MPDZ: variants seen among roughly 807,000 people sequenced by gnomAD.
MPDZ encodes multiple PDZ domain crumbs cell polarity complex component.
MPDZ carries 234 observed loss-of-function variants against 239.1 expected under a neutral mutation model. That is an observed-to-expected ratio of 0.98 (90% CI 0.88 to 1.09). The LOEUF (loss-of-function observed/expected upper bound fraction) is 1.09, where lower values mean the gene tolerates loss of function less well. Ranked by LOEUF, MPDZ falls within the 50% of genes least tolerant of loss-of-function variation. The pLI is 0.00. For missense variants in MPDZ, 3,175 were observed against 2,510.0 expected (o/e 1.26, Z -5.66); for synonymous variants, 1,048 against 881.3 (o/e 1.19, Z -3.35).
intron 3 of MPDZ, among the ~76,000 whole-genome samples, chr9:13,227,275 G>T (rs1350112930): frequency 6.6e-6 from 1 of 152,100 alleles, no homozygotes; most frequent in Non-Finnish European, 1.5e-5. Context: ...AATGTGTTGA[G>T]AAGAGACTTT....
chr9:13,110,620 G>C lies in MPDZ; in HGVS notation c.5829+16C>G, dbSNP rs766258491. 7 of 1,593,078 alleles carry C rather than the reference G, an allele frequency of 4.4e-6. No individual in the cohort carries two copies. In the Admixed American group the frequency reaches 1.0e-4, roughly 23 times the overall value. On this transcript the variant is annotated intron_variant, in intron 44 of 46. Transcript: ENST00000319217. The stretch of plus-strand genomic sequence containing the variant: ...GCTACCTATATTCTGAATTATGCTT[G>C]GGATAAAAATCTTACCTGCATTTCA...
At chr9:13,217,591 T>C (rs1958514863) in intron 8 of MPDZ, among the ~76,000 whole-genome samples, 1 of 151,980 alleles carries the variant, frequency 6.6e-6, no homozygotes, top group East Asian at 1.9e-4. Context: ...TTTTAGCAAA[T>C]TCTATTTTCA....
rs190569017 is a variant in MPDZ at position 13,232,448 on chromosome 9, G to A, written c.184-7865C>T. On this transcript the variant is annotated intron_variant, in intron 3 of 46. Transcript: ENST00000319217. ...GAAAGGATGATCTCTTCAATAAATG[G>A]TTCTGGGTCAAATGGATATTCAAAT... 4.0e-4 allele frequency among the ~76,000 whole-genome samples: 61 copies of A among 152,140 alleles called. 1 individual carries two copies. Among genetic ancestry groups the A allele is most frequent in the Non-Finnish European group, 7.1e-4 (48 of 67,950 alleles).
chr9:13,269,893 T>A (rs1255893216), intron 1 of MPDZ, among the ~76,000 whole-genome samples: 2 of 152,214 alleles, frequency 1.3e-5, no homozygotes, highest in African/African-American at 2.4e-5. Context: ...ACTATGAACC[T>A]ATCTGAACAC....
intron 32 of MPDZ, 82 bp from the exon 33 acceptor site, chr9:13,126,854 A>C: frequency 8.8e-7 from 1 of 1,131,604 alleles, no homozygotes; most frequent in South Asian, 1.3e-5. Flanking sequence ...TAAGAAAAAC[A>C]ACTAAAACTC....
intron 36 of MPDZ, among the ~76,000 whole-genome samples, chr9:13,122,613 C>G (rs1332075524): frequency 2.6e-5 from 4 of 151,414 alleles, no homozygotes; most frequent in Non-Finnish European, 5.9e-5. Context: ...CTCTGCCTCC[C>G]ACGTTCAAGA....
chr9:13,251,645 C>T (rs1968045418), intron 1 of MPDZ, among the ~76,000 whole-genome samples: 1 of 152,188 alleles, frequency 6.6e-6, no homozygotes, highest in Admixed American at 6.5e-5. Flanking sequence ...CAAGTCGCCT[C>T]CTGTTACCTC....
intron 13 of MPDZ, among the ~76,000 whole-genome samples, chr9:13,194,966 A>G (rs1311937531): frequency 1.3e-5 from 2 of 151,982 alleles, no homozygotes; most frequent in Admixed American, 1.3e-4. Context: ...TTCATATTTG[A>G]CTGTTAATCA....
rs77541128 is a variant in MPDZ at position 13,114,174 on chromosome 9, T to C, written c.5467-153A>G. On this transcript the variant is annotated intron_variant, in intron 40 of 46. Transcript: ENST00000319217. Reference sequence around the variant, plus strand: ...GCAATTTAAACACAGTTCCTACTGATTTTTTTTCTTTTAAACAGAGAATGT... The same window carrying C: ...GCAATTTAAACACAGTTCCTACTGACTTTTTTTCTTTTAAACAGAGAATGT... Among the ~76,000 whole-genome samples, 14 of 151,796 alleles carry C rather than the reference T, an allele frequency of 9.2e-5. No individual in the cohort carries two copies. The East Asian group carries it at 2.2e-3, about 24-fold the overall frequency.
Position 13,174,777 on chromosome 9 carries a change from C to T in MPDZ, c.3055+975G>A, listed in dbSNP as rs111845355. On this transcript the variant is annotated intron_variant, in intron 21 of 46. Transcript: ENST00000319217. ...TCATCATCCTATTAAACATAACGTA[C>T]ATAAGAAATATTACAACAACACAAA... Among the ~76,000 whole-genome samples, 1,116 of 152,176 alleles carry T rather than the reference C, an allele frequency of 7.3e-3. 15 individuals carry two copies. The highest frequency in any genetic ancestry group is 0.026 in the African/African-American group (1,070 of 41,514).
rs574731829 is a variant in MPDZ, at chr9:13,260,897, C to G, written c.-57-10525G>C. Among the ~76,000 whole-genome samples the G allele has an allele frequency of 5.3e-5, 8 of 152,266 alleles. No homozygotes were observed. The East Asian group carries it at 1.5e-3, about 29-fold the overall frequency. ...AATTTGTTATGGCAGCCCAAGCTGA[C>G]AAATACAGAATTCAACCATTCCGCA... On this transcript the variant is annotated intron_variant, in intron 1 of 46. Transcript: ENST00000319217.
At chr9:13,200,873 A>G (rs1018176391) in intron 12 of MPDZ, among the ~76,000 whole-genome samples, 1 of 151,956 alleles carries the variant, frequency 6.6e-6, no homozygotes, top group Admixed American at 6.6e-5. Context: ...TGTTGAAAAA[A>G]ATGTGTATTC....
rs368497523 is a variant in MPDZ at position 13,222,200 on chromosome 9, G to A, written c.747+33C>T. On this transcript the variant is annotated intron_variant, in intron 6 of 46. Transcript: ENST00000319217. Reference sequence around the variant, plus strand: ...TAACCAAAAACAACTTGAAAAATACGTTCTGTTCCTTTTGAAAATTTTAGG... The same window carrying A: ...TAACCAAAAACAACTTGAAAAATACATTCTGTTCCTTTTGAAAATTTTAGG... The A allele has an allele frequency of 1.3e-5, 21 of 1,570,372 alleles. No homozygotes were observed. In the African/African-American group the frequency reaches 1.6e-4, roughly 12 times the overall value.
At chr9:13,201,751 T>G (rs1956415177) in intron 12 of MPDZ, among the ~76,000 whole-genome samples, 1 of 152,102 alleles carries the variant, frequency 6.6e-6, no homozygotes, top group Non-Finnish European at 1.5e-5. Flanking sequence ...TATTTATTTC[T>G]AAGGTTTGTA....
intron 3 of MPDZ, among the ~76,000 whole-genome samples, chr9:13,246,778 A>C (rs1256157628): frequency 6.6e-6 from 1 of 152,180 alleles, no homozygotes; most frequent in East Asian, 1.9e-4. Flanking sequence ...TAACCTTATA[A>C]GGCAGAATAT....
chr9:13,185,304 C>A (rs1953945241), intron 18 of MPDZ, among the ~76,000 whole-genome samples: 1 of 152,034 alleles, frequency 6.6e-6, no homozygotes, highest in African/African-American at 2.4e-5. Context: ...AATTGTCTCC[C>A]CCGAAATTAC....
At position 13,175,734 on chromosome 9, in the gene MPDZ, G is replaced by A; in HGVS notation, c.3055+18C>T. 1 of 1,563,344 alleles carries A rather than the reference G, an allele frequency of 6.4e-7. No individual in the cohort carries two copies. Among genetic ancestry groups the A allele is most frequent in the Non-Finnish European group, 8.7e-7 (1 of 1,151,516 alleles). On this transcript the variant is annotated intron_variant, in intron 21 of 46. Transcript: ENST00000319217. ...AGGGGGTTGAGGAGTAGGTATATGA[G>A]GAAAATGAGAAACTTACCTAGGCTA...
intron 3 of MPDZ, among the ~76,000 whole-genome samples, chr9:13,228,944 T>C (rs1961522360): frequency 6.6e-6 from 1 of 152,142 alleles, no homozygotes; most frequent in Non-Finnish European, 1.5e-5. Context: ...GGACACAAAC[T>C]AGAGCATCTC....
chr9:13,189,818 C>T (rs1954646129), intron 16 of MPDZ, among the ~76,000 whole-genome samples: 1 of 152,088 alleles, frequency 6.6e-6, no homozygotes, highest in Non-Finnish European at 1.5e-5. Context: ...TATGAGTCAT[C>T]AAATAAGCCC....
Sources: allele counts gnomAD v4.1 joint callset (sites outside exome capture counted in the v4.1 genomes callset), GRCh38; gene constraint gnomAD v4.1.1; transcripts MANE v1.5; gene names NCBI Gene and HGNC (gene_info 2026-07-23, HGNC 2026-07-21).